Variants in PIEZO1 observed in about 807,000 individuals in gnomAD.
PIEZO1 encodes the protein piezo type mechanosensitive ion channel component 1 (Er blood group).
Under a neutral mutation model 297.2 loss-of-function variants are expected in PIEZO1, and 296 were observed. The observed-to-expected ratio is 1.00, with a 90% confidence interval of 0.91 to 1.10. The LOEUF (loss-of-function observed/expected upper bound fraction) is 1.10, where lower values mean the gene tolerates loss of function less well. Among genes scored for constraint, PIEZO1 ranks in the 50% least tolerant of loss-of-function variants. PIEZO1 has a pLI of 0.00. For missense variants in PIEZO1, 5,018 were observed against 3,455.5 expected, an observed-to-expected ratio of 1.45 and a Z score of -11.34; for synonymous variants, 2,427 against 1,507.5, an observed-to-expected ratio of 1.61 and a Z score of -14.13.
In PIEZO1 at chr16:88,726,217, G is replaced by A. The variant is rs1421653319; in HGVS notation, c.3968+67C>T. 3.8e-5 allele frequency: 51 copies of A among 1,357,298 alleles called. 1 individual carries two copies. In the East Asian group the frequency reaches 9.8e-4, roughly 26 times the overall value. 84.1% of individuals were successfully genotyped at this position (1,357,298 alleles called of 1,614,324 possible). A position where few individuals can be genotyped will look rare whatever the true frequency, so the allele number is the denominator to read the frequency against. ...ACGGGCCGGGGCCTGAGACAGTGAG[G>A]AACCTCCCATTGCCCCCTCCCAGCC... On this transcript the variant is annotated intron_variant, in intron 27 of 50. Transcript: ENST00000301015.
chr16:88,748,467 G>A (rs1448098155), intron 2 of PIEZO1, among the ~76,000 whole-genome samples: 1 of 105,974 alleles, frequency 9.4e-6, no homozygotes, highest in Non-Finnish European at 1.9e-5. Context: ...CCCCAAGGTG[G>A]TTCCCAAGGG....
chr16:88,726,235 TCCCAGC>T (rs1414973574), intron 27 of PIEZO1, 43 bp downstream of exon 27: 1 of 1,479,334 alleles, frequency 6.8e-7, no homozygotes, highest in African/African-American at 1.4e-5. Context: ...CATTGCCCCC[TCCCAGC>T]CCCAAGACGG....
chr16:88,733,833 C>T (rs555264671), intron 17 of PIEZO1, 73 bp downstream of exon 17: 7 of 1,461,030 alleles, frequency 4.8e-6, no homozygotes, highest in East Asian at 5.0e-5. Flanking sequence ...AGAGGGGACT[C>T]TGCCAACGCC....
chr16:88,732,458 G>T lies in PIEZO1; in HGVS notation c.2868C>A (p.His956Gln). 6.5e-7 allele frequency: 1 copy of T among 1,549,498 alleles called. No individual in the cohort carries two copies. Residue 956 changes from histidine to glutamine, a missense_variant, in exon 21 of 51, where the codon CAC becomes CAA. Transcript: ENST00000301015. ...CCTGGGCAGGCAGCGGGGCCAGCTG[G>T]TGCTGCCGGCGGTAGTGCTCCTGGC... ...YRRQEHYRRQHQLAPLPAQAV... is the reference protein window; with the variant it reads ...YRRQEHYRRQQQLAPLPAQAV...
Position 88,721,599 on chromosome 16 carries a change from C to A in PIEZO1, c.5342G>T (p.Gly1781Val). 6.5e-7 allele frequency: 1 copy of A among 1,550,302 alleles called. No individual in the cohort carries two copies. Among genetic ancestry groups the A allele is most frequent in the Middle Eastern group, 1.7e-4 (1 of 5,988 alleles). The change falls in exon 38 of 51, where the codon GGC becomes GTC. Residue 1781 changes from glycine to valine, a missense_variant. Physicochemically the swap from Gly to Val is moderately radical, Grantham distance 109. Coordinates refer to ENST00000301015, the MANE Select transcript of PIEZO1 (RefSeq NM_001142864.4). ...CTGCACCAGGTCGTACTTGATGTAG[C>A]CGTCAGTCTTCTCCAGGCCCAGGAT... ...PRILGLEKTD[G>V]YIKYDLVQLM...
chr16:88,777,497 T>C (rs1435178438), intron 1 of PIEZO1, among the ~76,000 whole-genome samples: 1 of 151,990 alleles, frequency 6.6e-6, no homozygotes, highest in South Asian at 2.1e-4. Flanking sequence ...TCATTGTCAC[T>C]GGCCCGCAGA....
chr16:88,734,720 C>T lies in PIEZO1; in HGVS notation c.1927G>A (p.Ala643Thr), dbSNP rs1244351837. ...VVAYTMLVLIAVYTFQFQDFP... is the reference protein window; with the variant it reads ...VVAYTMLVLITVYTFQFQDFP... ...TCCTGGAACTGGAAGGTGTAGACGG[C>T]GATGAGGACCAGCATGGTGTAGGCC... The change falls in exon 15 of 51, where the codon GCC becomes ACC. Residue 643 changes from alanine (A) to threonine (T), a missense_variant. Ala to Thr is a moderately conservative substitution (Grantham distance 58). Coordinates refer to ENST00000301015, the MANE Select transcript of PIEZO1 (RefSeq NM_001142864.4). 3.2e-6 allele frequency: 5 copies of T among 1,550,174 alleles called. No individual in the cohort carries two copies. The highest frequency in any genetic ancestry group is 1.4e-5 in the African/African-American group (1 of 73,056).
chr16:88,779,197 C>G (rs1432766680), intron 1 of PIEZO1, among the ~76,000 whole-genome samples: 1 of 152,010 alleles, frequency 6.6e-6, no homozygotes, highest in East Asian at 1.9e-4. Flanking sequence ...CGCCACCATG[C>G]CCAGCTAATT....
At position 88,716,966 on chromosome 16, in the gene PIEZO1, A is replaced by G. The variant is rs8044367; in HGVS notation, c.6660+57T>C. The stretch of plus-strand genomic sequence containing the variant: ...GAGGAGCGGCTGGGGGTGGTGCACC[A>G]CCTTGGCCAGAACCCCCAGGGGATG... On this transcript the variant is annotated intron_variant, in intron 45 of 50. Transcript: ENST00000301015. The G allele has an allele frequency of 0.9, 1,387,451 of 1,545,484 alleles. 623,053 individuals carry two copies. Among genetic ancestry groups the G allele is most frequent in the Middle Eastern group, 0.94 (5,633 of 5,982 alleles).
intron 1 of PIEZO1, among the ~76,000 whole-genome samples, chr16:88,773,112 T>G (rs1180731926): frequency 6.6e-6 from 1 of 152,234 alleles, no homozygotes; most frequent in Non-Finnish European, 1.5e-5. Flanking sequence ...CCTCCATCTG[T>G]CACCAGCGGC....
Position 88,715,849 on chromosome 16 carries a change from A to G in PIEZO1, c.7322T>C (p.Met2441Thr), listed in dbSNP as rs746835717. ...SLGFLAGYGI[M>T]GLYVSIVLVI... ...CAGCACGATGGACACGTACAGCCCC[A>G]TGATGCTGCGGGGGAAGCTGGTGAG... The change falls in exon 51 of 51, where the codon ATG (methionine) becomes ACG (threonine). Residue 2441 changes from methionine to threonine, a missense_variant. Transcript: ENST00000301015. The G allele has an allele frequency of 5.2e-6, 8 of 1,549,648 alleles. No individual in the cohort carries two copies. Among genetic ancestry groups the G allele is most frequent in the South Asian group, 2.4e-5 (2 of 84,062 alleles).
chr16:88,730,530 G>A (rs1036064117), intron 22 of PIEZO1, among the ~76,000 whole-genome samples: 3 of 151,304 alleles, frequency 2.0e-5, no homozygotes, highest in South Asian at 2.1e-4. Flanking sequence ...CCCGGGAGGC[G>A]GAGGCTGCAG....
At chr16:88,733,504 G>C (rs780135093) in intron 18 of PIEZO1, 50 bp from the exon 19 acceptor site, 3 of 1,532,908 alleles carry the variant, frequency 2.0e-6, no homozygotes, top group African/African-American at 1.4e-5. Context: ...CAGTGGGCAC[G>C]TGGGGCTGGG....
intron 1 of PIEZO1, among the ~76,000 whole-genome samples, chr16:88,771,451 C>A (rs1907421424): frequency 6.6e-6 from 1 of 152,224 alleles, no homozygotes; most frequent in Non-Finnish European, 1.5e-5. Flanking sequence ...AGGCCCCAAG[C>A]CCAGCAGGCA....
Position 88,732,686 on chromosome 16 carries a change from G to C in PIEZO1, c.2711C>G (p.Ser904Cys). The change falls in exon 20 of 51, where the codon TCC becomes TGC. Residue 904 changes from serine to cysteine, a missense_variant. By Grantham distance (112) the Ser-to-Cys change is moderately radical. Transcript: ENST00000301015. Reference sequence around the variant, plus strand: ...GTCCACGGGCCCCCGGTACAGCAGGGACTGGCTGATCTCCGTGGGCAGCAA... The same window carrying C: ...GTCCACGGGCCCCCGGTACAGCAGGCACTGGCTGATCTCCGTGGGCAGCAA... The part of the protein sequence containing the change: ...TNLLPTEISQ[S>C]LLYRGPVDPA... 6.5e-7 allele frequency: 1 copy of C among 1,549,406 alleles called. No individual in the cohort carries two copies. Among genetic ancestry groups the C allele is most frequent in the Non-Finnish European group, 8.7e-7 (1 of 1,146,328 alleles).
intron 1 of PIEZO1, among the ~76,000 whole-genome samples, chr16:88,766,479 G>A (rs1224597191): frequency 6.6e-6 from 1 of 152,232 alleles, no homozygotes; most frequent in Non-Finnish European, 1.5e-5. Context: ...CCAGGCTGGT[G>A]TGGCCGAGGC....
rs747704297 is a variant in PIEZO1 at position 88,738,221 on chromosome 16, C to G, written c.848+6G>C. 8 of 1,535,192 alleles carry G rather than the reference C, an allele frequency of 5.2e-6. No individual in the cohort carries two copies. Among genetic ancestry groups the G allele is most frequent in the African/African-American group, 1.4e-5 (1 of 73,158 alleles). ...AGGAAAAAGGGGCTGTGTGGCAAGCCGTTACCTAGCCCAGATGCCGGCAGG... is the reference window on the plus strand; with the variant it reads ...AGGAAAAAGGGGCTGTGTGGCAAGCGGTTACCTAGCCCAGATGCCGGCAGG... On this transcript the variant is annotated splice_donor_region_variant and intron_variant, in intron 7 of 50. Transcript: ENST00000301015.
chr16:88,738,582 A>G lies in PIEZO1; in HGVS notation c.620T>C (p.Leu207Pro). ...VAAGRVLAVTLLALAGIAHPS... is the reference protein window; with the variant it reads ...VAAGRVLAVTPLALAGIAHPS... ...TCGGTGCGTACCTGCCAGTGCAAGCAGTGTTACGGCCAGGACCCGCCCAGC... is the reference window on the plus strand; with the variant it reads ...TCGGTGCGTACCTGCCAGTGCAAGCGGTGTTACGGCCAGGACCCGCCCAGC... Residue 207 changes from leucine to proline, a missense_variant, in exon 6 of 51, where the codon CTG becomes CCG. Transcript: ENST00000301015. 6.5e-7 allele frequency: 1 copy of G among 1,535,300 alleles called. No homozygotes were observed. The highest frequency in any genetic ancestry group is 8.7e-7 in the Non-Finnish European group (1 of 1,146,506).
At chr16:88,744,674 C>T (rs1010211140) in intron 2 of PIEZO1, among the ~76,000 whole-genome samples, 2 of 151,628 alleles carry the variant, frequency 1.3e-5, no homozygotes, top group Non-Finnish European at 2.9e-5. Flanking sequence ...GCCTCCTTCC[C>T]GGTTCAGTTC....
Sources: gnomAD v4.1 joint callset for allele counts (sites outside exome capture counted in the v4.1 genomes callset) on GRCh38, gnomAD v4.1.1 for gene constraint, MANE v1.5 for transcripts, NCBI Gene and HGNC (gene_info 2026-07-23, HGNC 2026-07-21) for gene names.